The following DPF3 variants were observed in gnomAD, a reference collection of about 807,000 sequenced individuals.
The protein encoded by DPF3 is double PHD fingers 3.
In DPF3, 18 loss-of-function variants were observed where a neutral mutation model predicts 56.8. That is an observed-to-expected ratio of 0.32 (90% confidence interval 0.22 to 0.47). The LOEUF (loss-of-function observed/expected upper bound fraction) is 0.47, where lower values mean the gene tolerates loss of function less well. DPF3 is among the 20% of genes least tolerant of loss of function. DPF3 has a pLI of 1.00. For missense variants in DPF3, 403 were observed against 488.8 expected (o/e 0.82, Z 1.65); for synonymous variants, 188 against 180.2 (o/e 1.04, Z -0.35).
chr14:72,791,609 G>A (rs1344426396), intron 1 of DPF3, among the ~76,000 whole-genome samples: 2 of 152,206 alleles, frequency 1.3e-5, no homozygotes, highest in Non-Finnish European at 1.5e-5. Context: ...TGATGTCCTG[G>A]TGCCTCAAAC....
intron 1 of DPF3, among the ~76,000 whole-genome samples, chr14:72,873,723 C>T (rs1330163576): frequency 5.3e-5 from 8 of 152,158 alleles, no homozygotes; most frequent in Non-Finnish European, 5.9e-5. Flanking sequence ...CACATATACA[C>T]CATGGAATAC....
intron 8 of DPF3, among the ~76,000 whole-genome samples, chr14:72,653,764 T>C (rs1729513012): frequency 6.6e-6 from 1 of 152,162 alleles, no homozygotes; most frequent in African/African-American, 2.4e-5. Flanking sequence ...CCAAATGCAT[T>C]ACCACCCAGC....
intron 1 of DPF3, among the ~76,000 whole-genome samples, chr14:72,804,620 T>G (rs1481374071): frequency 6.6e-6 from 1 of 152,090 alleles, no homozygotes; most frequent in Non-Finnish European, 1.5e-5. Flanking sequence ...TTTGTTTGTG[T>G]TTTTGTTTTT....
chr14:72,670,659 C>A (rs1035891467), intron 8 of DPF3: 1 of 989,756 alleles, frequency 1.0e-6, no homozygotes, highest in Non-Finnish European at 1.2e-6. Context: ...CTCTCTCTCT[C>A]GCAAAAAAAG....
chr14:72,626,634 C>T (rs1289694485), intron 9 of DPF3, among the ~76,000 whole-genome samples: 4 of 152,090 alleles, frequency 2.6e-5, no homozygotes, highest in East Asian at 3.9e-4. Flanking sequence ...ATGAACAATG[C>T]TACCACAAAT....
At chr14:72,770,931 C>A (rs1355940136) in intron 2 of DPF3, among the ~76,000 whole-genome samples, 1 of 152,120 alleles carries the variant, frequency 6.6e-6, no homozygotes, top group Non-Finnish European at 1.5e-5. Flanking sequence ...GTAATCCCAG[C>A]ACTATGGGAG....
intron 6 of DPF3, among the ~76,000 whole-genome samples, chr14:72,698,430 G>A (rs1051083965): frequency 1.3e-5 from 2 of 152,202 alleles, no homozygotes; most frequent in Non-Finnish European, 2.9e-5. Flanking sequence ...TCTAATACCA[G>A]CACTTTGAGG....
At chr14:72,874,485 A>G (rs1460644637) in intron 1 of DPF3, among the ~76,000 whole-genome samples, 1 of 152,126 alleles carries the variant, frequency 6.6e-6, no homozygotes, top group East Asian at 1.9e-4. Flanking sequence ...TCTCCAAAAA[A>G]AAAAAAGAAA....
chr14:72,723,044 T>A (rs192360536), intron 5 of DPF3, among the ~76,000 whole-genome samples: 37 of 152,292 alleles, frequency 2.4e-4, no homozygotes, highest in African/African-American at 8.2e-4. Context: ...TTATTTATTT[T>A]TTTTATTATA....
chr14:72,642,385 T>C (rs913838348), intron 8 of DPF3, among the ~76,000 whole-genome samples: 2 of 152,230 alleles, frequency 1.3e-5, no homozygotes, highest in Non-Finnish European at 2.9e-5. Flanking sequence ...AGTGTCTGCA[T>C]TGTGCTCCCA....
intron 8 of DPF3, among the ~76,000 whole-genome samples, chr14:72,633,848 C>A (rs1254982346): frequency 6.6e-6 from 1 of 152,170 alleles, no homozygotes; most frequent in African/African-American, 2.4e-5. Flanking sequence ...TATCGAGAGC[C>A]AGCTCTGTGT....
At chr14:72,686,759 A>G (rs999946218) in intron 7 of DPF3, among the ~76,000 whole-genome samples, 1 of 152,248 alleles carries the variant, frequency 6.6e-6, no homozygotes, top group Non-Finnish European at 1.5e-5. Context: ...AGAGCTCTGT[A>G]TCTAAACTTT....
intron 8 of DPF3, among the ~76,000 whole-genome samples, chr14:72,645,447 AG>A (rs1472756229): frequency 1.1e-4 from 16 of 152,026 alleles, no homozygotes; most frequent in African/African-American, 3.9e-4. Context: ...TGCCTCCCCC[AG>A]TAGCTGGGAC....
At chr14:72,680,466 G>A (rs1195528473) in intron 7 of DPF3, among the ~76,000 whole-genome samples, 4 of 152,208 alleles carry the variant, frequency 2.6e-5, no homozygotes, top group Non-Finnish European at 2.9e-5. Flanking sequence ...AGTAGGGCCC[G>A]CTCCCCACAG....
chr14:72,650,471 C>T (rs1010590690), intron 8 of DPF3, among the ~76,000 whole-genome samples: 8 of 152,200 alleles, frequency 5.3e-5, no homozygotes, highest in Admixed American at 4.6e-4. Flanking sequence ...AGCACTGCCC[C>T]GGGGGCCAGG....
At position 72,782,768 on chromosome 14, in the gene DPF3, G is replaced by T. The variant is rs558413838; in HGVS notation, c.33-10875C>A. On this transcript the variant is annotated intron_variant, in intron 1 of 10. Transcript: ENST00000556509. The stretch of plus-strand genomic sequence containing the variant: ...GAATCACTTGAACCTGGAAGACAGA[G>T]GTTGCAGTGAGCCGAGATTGCACCA... Among the ~76,000 whole-genome samples the T allele has an allele frequency of 7.6e-4, 116 of 152,262 alleles. 1 individual carries two copies. The highest frequency in any genetic ancestry group is 6.8e-3 in the Middle Eastern group (2 of 294).
rs548253989 is a variant in DPF3 at position 72,829,973 on chromosome 14, T to C, written c.33-58080A>G. On this transcript the variant is annotated intron_variant, in intron 1 of 10. Transcript: ENST00000556509. Reference sequence around the variant, plus strand: ...GTTGACCAGGCTGGTTTCAAACTCCTGATCTCAAGTGATCCGCCCACCTCG... The same window carrying C: ...GTTGACCAGGCTGGTTTCAAACTCCCGATCTCAAGTGATCCGCCCACCTCG... 7.9e-5 allele frequency among the ~76,000 whole-genome samples: 12 copies of C among 152,198 alleles called. No homozygotes were observed. The South Asian group carries it at 2.5e-3, about 32-fold the overall frequency.
At chr14:72,836,383 C>T (rs1884294797) in intron 1 of DPF3, 1 of 985,502 alleles carries the variant, frequency 1.0e-6, no homozygotes, top group South Asian at 4.7e-5. Context: ...ACTGTCAGAG[C>T]AGGGGGCAAA....
Position 72,838,908 on chromosome 14 carries a change from C to CTTTTTTTTTTTTTTTTTTTTTTT in DPF3, c.32+55126_32+55148dup, listed in dbSNP as rs376458640. Among the ~76,000 whole-genome samples, 12 of 78,618 alleles carry CTTTTTTTTTTTTTTTTTTTTTTT rather than the reference C, an allele frequency of 1.5e-4. 2 individuals are homozygous for CTTTTTTTTTTTTTTTTTTTTTTT. The highest frequency in any genetic ancestry group is 6.3e-4 in the African/African-American group (9 of 14,392). The allele number at this position is 78,618 out of a possible 152,430, so 51.6% of individuals were successfully genotyped here. On this transcript the variant is annotated intron_variant, in intron 1 of 10. Coordinates refer to ENST00000556509, the MANE Select transcript of DPF3 (RefSeq NM_001280542.3). The stretch of plus-strand genomic sequence containing the variant: ...TATCATATATATTATCATATATATT[C>CTTTTTTTTTTTTTTTTTTTTTTT]TTTTTTTTTTTTTTTTTTTTTTTTT...
Sources: allele counts gnomAD v4.1 joint callset (sites outside exome capture counted in the v4.1 genomes callset), GRCh38; gene constraint gnomAD v4.1.1; transcripts MANE v1.5; gene names NCBI Gene and HGNC (gene_info 2026-07-23, HGNC 2026-07-21).